MCF2L2: variants seen among roughly 807,000 people sequenced by gnomAD.
MCF2L2 encodes the protein MCF.2 cell line derived transforming sequence-like 2, also known as probable guanine nucleotide exchange factor MCF2L2.
Under a neutral mutation model 150.2 loss-of-function variants are expected in MCF2L2, and 102 were observed. That is an observed-to-expected ratio of 0.68 (90% CI 0.58 to 0.80). The LOEUF (loss-of-function observed/expected upper bound fraction) is 0.80, where lower values mean the gene tolerates loss of function less well. Ranked by LOEUF, MCF2L2 falls within the 30% of genes least tolerant of loss-of-function variation. MCF2L2 has a pLI of 0.00. For synonymous variants in MCF2L2, 465 were observed against 491.3 expected (o/e 0.95, Z 0.71); for missense variants, 1,256 against 1,372.8 (o/e 0.91, Z 1.34).
chr3:183,215,151 A>AAAGGT (rs1226421472), intron 22 of MCF2L2, among the ~76,000 whole-genome samples: 2 of 152,144 alleles, frequency 1.3e-5, no homozygotes, highest in African/African-American at 4.8e-5. Context: ...AAAGGAAAGG[A>AAAGGT]AACACCTTGA....
chr3:183,272,890 CAATT>C, intron 15 of MCF2L2: 26 of 1,316,946 alleles, frequency 2.0e-5, no homozygotes, highest in Non-Finnish European at 2.5e-5. Context: ...TTTTGTGAAA[CAATT>C]ATTTATTTGC....
At position 183,290,538 on chromosome 3, in the gene MCF2L2, TTTC is replaced by T. The variant is rs1312177445; in HGVS notation, c.1676-1321_1676-1319del. 2.6e-3 allele frequency among the ~76,000 whole-genome samples: 392 copies of T among 151,374 alleles called. 3 individuals carry two copies. Among genetic ancestry groups the T allele is most frequent in the African/African-American group, 9.2e-3 (374 of 40,796 alleles). ...CAGGATTTGAGCATTTCTTTCTTTCTTTCTTTTTTTTTTTGAGACAGAGTCTCG... is the reference window on the plus strand; with the variant it reads ...CAGGATTTGAGCATTTCTTTCTTTCTTTTTTTTTTTTGAGACAGAGTCTCG... On this transcript the variant is annotated intron_variant, in intron 13 of 29. Coordinates refer to ENST00000328913, the MANE Select transcript of MCF2L2 (RefSeq NM_015078.4).
rs771573026 is a variant in MCF2L2, at chr3:183,219,873, G to T, written c.2353C>A (p.Leu785Ile). ...TTGAGTACCTTAGCCGAGCCTCCTA[G>T]TTCACCTGGGTCTATCTCCATATCT... ...PEDMEIDPGE[L>I]GGSAKDGPKR... Residue 785 changes from leucine (L) to isoleucine (I), a missense_variant, in exon 21 of 30, where the codon CTA becomes ATA. Leu to Ile is a conservative substitution (Grantham distance 5, BLOSUM62 2). Transcript: ENST00000328913. 1 of 1,612,670 alleles carries T rather than the reference G, an allele frequency of 6.2e-7. No individual in the cohort carries two copies. Among genetic ancestry groups the T allele is most frequent in the Non-Finnish European group, 8.5e-7 (1 of 1,178,814 alleles).
chr3:183,356,177 A>C (rs1711766260), intron 3 of MCF2L2, among the ~76,000 whole-genome samples: 1 of 151,696 alleles, frequency 6.6e-6, no homozygotes, highest in East Asian at 1.9e-4. Context: ...CTTAAAAAAA[A>C]AAAAAAAACT....
chr3:183,284,664 G>A (rs1309947037), intron 14 of MCF2L2, among the ~76,000 whole-genome samples: 1 of 151,726 alleles, frequency 6.6e-6, no homozygotes, highest in African/African-American at 2.4e-5. Flanking sequence ...ATCACTCCAT[G>A]GCACTCCAGC....
chr3:183,421,284 T>C (rs1715869981), intron 1 of MCF2L2, among the ~76,000 whole-genome samples: 1 of 152,242 alleles, frequency 6.6e-6, no homozygotes, highest in Admixed American at 6.5e-5. Flanking sequence ...CTCCTCTCTT[T>C]ACATTCCATT....
At chr3:183,255,512 G>A (rs143475846) in intron 15 of MCF2L2, among the ~76,000 whole-genome samples, 20 of 152,290 alleles carry the variant, frequency 1.3e-4, no homozygotes, top group African/African-American at 4.8e-4. Flanking sequence ...CTCTGAGGAG[G>A]AGGCTGACTC....
chr3:183,180,296 CA>C, intron 27 of MCF2L2, 137 bp from the exon 28 acceptor site: 1 of 672,114 alleles, frequency 1.5e-6, no homozygotes, highest in South Asian at 1.7e-5. Context: ...CAAGGGCCTG[CA>C]CTGCGCTGGG....
Position 183,193,114 on chromosome 3 carries a change from T to C in MCF2L2, c.2919-18A>G. Reference sequence around the variant, plus strand: ...TGCCTTTGCTTTAGAGAAATAAACATGAATATTGAGTCACTGGAAGGAATG... The same window carrying C: ...TGCCTTTGCTTTAGAGAAATAAACACGAATATTGAGTCACTGGAAGGAATG... On this transcript the variant is annotated intron_variant, in intron 26 of 29. Transcript: ENST00000328913. The C allele has an allele frequency of 1.2e-6, 2 of 1,601,560 alleles. No homozygotes were observed. The highest frequency in any genetic ancestry group is 1.3e-5 in the African/African-American group (1 of 74,694).
intron 5 of MCF2L2, among the ~76,000 whole-genome samples, chr3:183,332,357 T>C (rs948721755): frequency 4.6e-5 from 7 of 151,342 alleles, no homozygotes; most frequent in Non-Finnish European, 8.8e-5. Context: ...TTTTCAAAAG[T>C]TGATTTTAAG....
chr3:183,205,239 C>T (rs1178043014), intron 25 of MCF2L2, among the ~76,000 whole-genome samples: 2 of 151,978 alleles, frequency 1.3e-5, no homozygotes, highest in Non-Finnish European at 2.9e-5. Context: ...ATTAGCCAGG[C>T]GTGTTGGCGC....
rs757410219 is a variant in MCF2L2, at chr3:183,270,432, C to A, written c.1862+6440G>T. Reference sequence around the variant, plus strand: ...GATTGAGTACCTTCAAAGTTTAGAACAAATTGGTGTTCAAGACTTTTGGAT... The same window carrying A: ...GATTGAGTACCTTCAAAGTTTAGAAAAAATTGGTGTTCAAGACTTTTGGAT... On this transcript the variant is annotated intron_variant, in intron 15 of 29. Transcript: ENST00000328913. The surrounding 1 kb of genome is among the most constrained non-coding windows in gnomAD (Gnocchi z 4.5). 4 of 1,614,018 alleles carry A rather than the reference C, an allele frequency of 2.5e-6. No individual in the cohort carries two copies. The highest frequency in any genetic ancestry group is 3.4e-6 in the Non-Finnish European group (4 of 1,180,036).
intron 1 of MCF2L2, among the ~76,000 whole-genome samples, chr3:183,402,287 C>CA (rs966978156): frequency 9.8e-5 from 6 of 61,302 alleles, no homozygotes; most frequent in Admixed American, 4.1e-4. Flanking sequence ...ACTAAAAATG[C>CA]AAAAAAAAAT....
At chr3:183,426,904 G>A (rs962341603) in intron 1 of MCF2L2, among the ~76,000 whole-genome samples, 5 of 152,194 alleles carry the variant, frequency 3.3e-5, no homozygotes, top group African/African-American at 4.8e-5. Context: ...TATCATTTGA[G>A]ATGTGCACGA....
At chr3:183,426,009 A>G (rs11923821) in intron 1 of MCF2L2, among the ~76,000 whole-genome samples, 23,034 of 152,068 alleles carry the variant, frequency 0.15, 2,683 homozygotes, top group African/African-American at 0.33. Flanking sequence ...TCATTTGTAA[A>G]ATAGGGGTAG....
At position 183,279,156 on chromosome 3, in the gene MCF2L2, AAC is replaced by A. The variant is rs374605194; in HGVS notation, c.1777-2201_1777-2200del. Among the ~76,000 whole-genome samples the A allele has an allele frequency of 1.2e-3, 182 of 149,698 alleles. 3 individuals carry two copies. Among genetic ancestry groups the A allele is most frequent in the Admixed American group, 3.5e-3 (53 of 15,018 alleles). On this transcript the variant is annotated intron_variant, in intron 14 of 29. Transcript: ENST00000328913. ...TGACCACAACTCACAAGAAGTACAT[AAC>A]ACACACACACACACACATACACACA...
intron 3 of MCF2L2, among the ~76,000 whole-genome samples, chr3:183,354,604 T>C (rs113709269): frequency 4.6e-5 from 7 of 152,148 alleles, no homozygotes; most frequent in African/African-American, 1.7e-4. Flanking sequence ...ACCTATGATC[T>C]GTAAGTCTCT....
chr3:183,346,394 T>C (rs942256227), intron 3 of MCF2L2, among the ~76,000 whole-genome samples: 1 of 152,148 alleles, frequency 6.6e-6, no homozygotes, highest in Non-Finnish European at 1.5e-5. Flanking sequence ...ATAAAGTAGG[T>C]ATTGATGGAA....
intron 5 of MCF2L2, among the ~76,000 whole-genome samples, chr3:183,329,177 G>A (rs1433970420): frequency 6.6e-6 from 1 of 152,200 alleles, no homozygotes; most frequent in Non-Finnish European, 1.5e-5. Flanking sequence ...ACACATGTAT[G>A]TGAATGTTTA....
Sources: allele counts gnomAD v4.1 joint callset (sites outside exome capture counted in the v4.1 genomes callset), GRCh38; gene constraint gnomAD v4.1.1; non-coding constraint Gnocchi (gnomAD v3.1); transcripts MANE v1.5; gene names NCBI Gene and HGNC (gene_info 2026-07-23, HGNC 2026-07-21).